The following KIAA1217 variants were observed in gnomAD, a reference collection of about 807,000 sequenced individuals.
KIAA1217 encodes KIAA1217, also known as sickle tail protein homolog.
A neutral mutation model predicts 163.9 loss-of-function variants in KIAA1217; 88 were observed. The ratio of observed to expected loss-of-function variants is 0.54; its 90% CI spans 0.45 to 0.64. The LOEUF (loss-of-function observed/expected upper bound fraction) is 0.64, where lower values mean the gene tolerates loss of function less well. Among genes scored for constraint, KIAA1217 ranks in the 30% least tolerant of loss-of-function variants. KIAA1217 has a pLI of 0.00. For synonymous variants in KIAA1217, 903 were observed against 923.1 expected, an observed-to-expected ratio of 0.98 and a Z score of 0.39; for missense variants, 2,372 against 2,475.0, an observed-to-expected ratio of 0.96 and a Z score of 0.88.
rs1247461561 is a variant in KIAA1217, at chr10:24,545,282, T to G, written c.5334+179T>G. 2.8e-6 allele frequency: 4 copies of G among 1,412,956 alleles called. No individual in the cohort carries two copies. In the Admixed American group the frequency reaches 8.7e-5, roughly 31 times the overall value. The allele number at this position is 1,412,956 out of a possible 1,614,324, so 87.5% of individuals were successfully genotyped here. A position where few individuals can be genotyped will look rare whatever the true frequency, so the allele number is the denominator to read the frequency against. On this transcript the variant is annotated intron_variant, in intron 20 of 20. Transcript: ENST00000376454. ...TTGTTACACTTTTTTACCACGCTTT[T>G]GCATGCTTGCAATAAAACATCTTTT...
intron 3 of KIAA1217, among the ~76,000 whole-genome samples, chr10:24,395,450 C>T (rs1554845534): frequency 6.6e-6 from 1 of 152,228 alleles, no homozygotes; most frequent in Non-Finnish European, 1.5e-5. Context: ...GACACTCTGG[C>T]TCCAACCATG....
chr10:24,505,890 T>C (rs952087157), intron 9 of KIAA1217, among the ~76,000 whole-genome samples: 9 of 152,074 alleles, frequency 5.9e-5, no homozygotes, highest in Non-Finnish European at 8.8e-5. Context: ...TGGCGCCTCG[T>C]GGAAATGTGC....
chr10:23,717,723 A>C (rs1226014768), intron 1 of KIAA1217, among the ~76,000 whole-genome samples: 1 of 152,200 alleles, frequency 6.6e-6, no homozygotes, highest in African/African-American at 2.4e-5. Context: ...ATTAGTATGC[A>C]AAATGTATGC....
chr10:24,089,938 A>G (rs2061860698), intron 2 of KIAA1217, among the ~76,000 whole-genome samples: 1 of 151,686 alleles, frequency 6.6e-6, no homozygotes, highest in Non-Finnish European at 1.5e-5. Flanking sequence ...GTTAGAAAAA[A>G]CTACTTTAAA....
intron 1 of KIAA1217, among the ~76,000 whole-genome samples, chr10:23,878,384 T>C (rs571622725): frequency 1.3e-5 from 2 of 152,096 alleles, no homozygotes; most frequent in South Asian, 4.1e-4. Flanking sequence ...TTCATTTAAA[T>C]GATTTTGTTT....
At chr10:24,497,581 G>A (rs11014115) in intron 8 of KIAA1217, among the ~76,000 whole-genome samples, 51,761 of 151,666 alleles carry the variant, frequency 0.34, 9,146 homozygotes, top group East Asian at 0.51. Flanking sequence ...AAAAATGAGC[G>A]TGGTGGTACA....
At chr10:24,521,020 C>A (rs2071160567) in intron 11 of KIAA1217, among the ~76,000 whole-genome samples, 1 of 146,088 alleles carries the variant, frequency 6.8e-6, no homozygotes, top group Non-Finnish European at 1.5e-5. Flanking sequence ...AACAAAACCC[C>A]ATCTCTAAAA....
chr10:24,229,183 G>C (rs1176028089), intron 2 of KIAA1217, among the ~76,000 whole-genome samples: 1 of 152,188 alleles, frequency 6.6e-6, no homozygotes, highest in Non-Finnish European at 1.5e-5. Flanking sequence ...AGGCTGAAAA[G>C]TAAGGCTAAT....
In KIAA1217 at chr10:24,402,081, A is replaced by C. The variant is rs2056587221; in HGVS notation, c.553+21014A>C. ...ATAACTGAAGAGACTATTTTCATAG[A>C]TAGGAAGATTCAGCCAAATGAAGAT... On this transcript the variant is annotated intron_variant, in intron 3 of 20. Coordinates refer to ENST00000376454, the MANE Select transcript of KIAA1217 (RefSeq NM_019590.5). 2.0e-5 allele frequency among the ~76,000 whole-genome samples: 3 copies of C among 152,248 alleles called. No individual in the cohort carries two copies. In the South Asian group the frequency reaches 6.2e-4, roughly 32 times the overall value.
At chr10:24,396,567 A>C (rs1384901850) in intron 3 of KIAA1217, among the ~76,000 whole-genome samples, 2 of 152,152 alleles carry the variant, frequency 1.3e-5, no homozygotes, top group Non-Finnish European at 2.9e-5. Context: ...ATTTTATGAA[A>C]GATGGACAGG....
intron 1 of KIAA1217, among the ~76,000 whole-genome samples, chr10:23,929,197 C>T (rs553168338): frequency 6.6e-6 from 1 of 152,156 alleles, no homozygotes; most frequent in Non-Finnish European, 1.5e-5. Context: ...TTGTAAAACA[C>T]AAAATCTCTC....
At chr10:23,740,465 C>A (rs1479292740) in intron 1 of KIAA1217, among the ~76,000 whole-genome samples, 2 of 152,118 alleles carry the variant, frequency 1.3e-5, no homozygotes, top group African/African-American at 4.8e-5. Flanking sequence ...CTTAAGCAAT[C>A]CTCTAGCCTC....
At chr10:24,496,975 G>A (rs940474641) in intron 8 of KIAA1217, among the ~76,000 whole-genome samples, 2 of 152,174 alleles carry the variant, frequency 1.3e-5, no homozygotes, top group African/African-American at 4.8e-5. Flanking sequence ...GATTTGCAAC[G>A]CCACTGGCAA....
intron 1 of KIAA1217, 55 bp downstream of exon 1, chr10:24,209,318 C>A: frequency 7.5e-7 from 1 of 1,330,738 alleles, no homozygotes; most frequent in Non-Finnish European, 1.1e-6. Flanking sequence ...CCCCTTGCCG[C>A]TTGCTGCTTT....
At chr10:24,158,651 C>A in intron 2 of KIAA1217, 1 of 511,796 alleles carries the variant, frequency 2.0e-6, no homozygotes. Context: ...GGTACACTAG[C>A]ACAACCTGAA....
intron 1 of KIAA1217, among the ~76,000 whole-genome samples, chr10:23,786,572 T>C (rs564542257): frequency 6.6e-6 from 1 of 151,640 alleles, no homozygotes; most frequent in South Asian, 2.1e-4. Context: ...AATAGTGACA[T>C]GTAACTATCC....
At chr10:24,364,324 G>C (rs912272663) in intron 2 of KIAA1217, among the ~76,000 whole-genome samples, 30 of 152,200 alleles carry the variant, frequency 2.0e-4, no homozygotes, top group African/African-American at 6.0e-4. Flanking sequence ...TATAGTCAAA[G>C]CCGTAAATCA....
intron 1 of KIAA1217, among the ~76,000 whole-genome samples, chr10:23,762,348 T>G (rs577737371): frequency 6.7e-6 from 1 of 149,888 alleles, no homozygotes; most frequent in East Asian, 1.9e-4. Context: ...ATATCCCGGA[T>G]GAACATCAAT....
intron 2 of KIAA1217, among the ~76,000 whole-genome samples, chr10:24,173,178 T>C (rs747388864): frequency 6.6e-6 from 1 of 152,136 alleles, no homozygotes; most frequent in Non-Finnish European, 1.5e-5. Context: ...GTGAACCTGA[T>C]TGTGAACAGA....
Sources: allele counts gnomAD v4.1 joint callset (sites outside exome capture counted in the v4.1 genomes callset), GRCh38; gene constraint gnomAD v4.1.1; transcripts MANE v1.5; gene names NCBI Gene and HGNC (gene_info 2026-07-23, HGNC 2026-07-21).